KYNU: variants seen among roughly 807,000 people sequenced by gnomAD.
KYNU encodes L-kynurenine hydrolase.
KYNU carries 54 observed loss-of-function variants against 59.2 expected under a neutral mutation model. That is an observed-to-expected ratio of 0.91 (90% CI 0.73 to 1.14). The LOEUF (loss-of-function observed/expected upper bound fraction) is 1.14. KYNU is among the 50% of genes most tolerant of loss of function. KYNU has a pLI of 0.00. For missense variants in KYNU, 567 were observed against 554.4 expected, an observed-to-expected ratio of 1.02 and a Z score of -0.23; for synonymous variants, 177 against 192.0, an observed-to-expected ratio of 0.92 and a Z score of 0.65.
intron 8 of KYNU, among the ~76,000 whole-genome samples, chr2:142,983,622 A>G (rs377519843): frequency 6.6e-6 from 1 of 152,092 alleles, no homozygotes; most frequent in African/African-American, 2.4e-5. Flanking sequence ...GCAGTTCAGA[A>G]ACTTTTTAGA....
At chr2:142,912,237 T>A (rs1410108927) in intron 2 of KYNU, among the ~76,000 whole-genome samples, 1 of 152,146 alleles carries the variant, frequency 6.6e-6, no homozygotes, top group Non-Finnish European at 1.5e-5. Context: ...TCTATTGGAA[T>A]GTTCAGGGTC....
chr2:142,916,754 C>A (rs1682680494), intron 2 of KYNU, among the ~76,000 whole-genome samples: 1 of 152,110 alleles, frequency 6.6e-6, no homozygotes, highest in African/African-American at 2.4e-5. Context: ...GAATAAGAAG[C>A]AAAGGCACTA....
At chr2:142,898,381 C>A (rs1441959525) in intron 2 of KYNU, among the ~76,000 whole-genome samples, 1 of 151,796 alleles carries the variant, frequency 6.6e-6, no homozygotes, top group Admixed American at 6.6e-5. Flanking sequence ...AGATCATAGA[C>A]CACAACTTTG....
At chr2:142,926,332 T>C (rs948295621) in intron 3 of KYNU, among the ~76,000 whole-genome samples, 3 of 152,206 alleles carry the variant, frequency 2.0e-5, no homozygotes, top group African/African-American at 7.2e-5. Flanking sequence ...TCTTTTTAAT[T>C]GTGAAATCAT....
chr2:142,920,671 G>T (rs910115033), intron 3 of KYNU, among the ~76,000 whole-genome samples: 1 of 152,184 alleles, frequency 6.6e-6, no homozygotes, highest in Non-Finnish European at 1.5e-5. Context: ...TTAGACAGAT[G>T]ATTCAGAAAG....
intron 2 of KYNU, among the ~76,000 whole-genome samples, chr2:142,886,319 T>C (rs909965224): frequency 6.6e-6 from 1 of 152,230 alleles, no homozygotes; most frequent in Non-Finnish European, 1.5e-5. Context: ...GGTCCAGTAC[T>C]CAGGAGCCAT....
At chr2:142,930,280 A>T (rs914682255) in intron 4 of KYNU, among the ~76,000 whole-genome samples, 2 of 152,214 alleles carry the variant, frequency 1.3e-5, no homozygotes, top group African/African-American at 2.4e-5. Context: ...ATGAATTTTT[A>T]AAAAAGAAGA....
rs186418291 is a variant in KYNU at position 142,984,975 on chromosome 2, A to T, written c.730-109A>T. On this transcript the variant is annotated intron_variant, in intron 8 of 13. Transcript: ENST00000264170. ...TGTGAACCATTGCATCAAAGAGCAAACCATAATTTATGGTACAGAAGTTTG... is the reference window on the plus strand; with the variant it reads ...TGTGAACCATTGCATCAAAGAGCAATCCATAATTTATGGTACAGAAGTTTG... The T allele has an allele frequency of 6.5e-6, 5 of 763,538 alleles. No homozygotes were observed. In the East Asian group the frequency reaches 8.0e-5, roughly 12 times the overall value. 47.3% of individuals were successfully genotyped at this position (763,538 alleles called of 1,614,324 possible). A position where few individuals can be genotyped will look rare whatever the true frequency, so the allele number is the denominator to read the frequency against.
intron 8 of KYNU, among the ~76,000 whole-genome samples, chr2:142,980,088 G>A (rs747142797): frequency 6.6e-6 from 1 of 151,986 alleles, no homozygotes; most frequent in Non-Finnish European, 1.5e-5. Context: ...CCAGAACCGA[G>A]GGTTCCTCCC....
intron 3 of KYNU, among the ~76,000 whole-genome samples, chr2:142,921,586 C>A (rs897121336): frequency 6.6e-6 from 1 of 151,992 alleles, no homozygotes; most frequent in African/African-American, 2.4e-5. Flanking sequence ...GGCAAGCGGA[C>A]CACAAAAGCC....
chr2:143,033,189 C>A (rs1686806744), intron 11 of KYNU, 47 bp from the exon 12 acceptor site: 1 of 1,325,530 alleles, frequency 7.5e-7, no homozygotes, highest in East Asian at 2.3e-5. Context: ...TTTATGGACA[C>A]TTTTAAAGTT....
At chr2:142,891,411 T>A (rs939899691) in intron 2 of KYNU, among the ~76,000 whole-genome samples, 5 of 152,206 alleles carry the variant, frequency 3.3e-5, no homozygotes, top group African/African-American at 1.2e-4. Context: ...CTGCTTTCAA[T>A]ATTCTTTTCA....
chr2:142,927,821 C>A, intron 4 of KYNU, 80 bp downstream of exon 4: 4 of 963,786 alleles, frequency 4.2e-6, no homozygotes, highest in South Asian at 1.3e-5. Flanking sequence ...CTCATAAAGT[C>A]AAAATCTTAT....
Position 143,054,883 on chromosome 2 carries a change from G to T in KYNU, c.*12711G>T, listed in dbSNP as rs763904928. 29 of 152,132 alleles carry T rather than the reference G, an allele frequency of 1.9e-4. No homozygotes were observed. The highest frequency in any genetic ancestry group is 3.7e-4 in the Non-Finnish European group (25 of 68,016). 9.4% of individuals were successfully genotyped at this position (152,132 alleles called of 1,614,324 possible). ...AAATGCAATGTGTGGACTTGGTTGG[G>T]ATCTTCATTCAAAGACCAACTATAA... On this transcript the variant is annotated 3_prime_UTR_variant, in exon 14 of 14. Transcript: ENST00000264170.
chr2:143,015,607 T>G (rs959796048), intron 10 of KYNU, among the ~76,000 whole-genome samples: 1 of 152,154 alleles, frequency 6.6e-6, no homozygotes, highest in Non-Finnish European at 1.5e-5. Context: ...TGTTTATGTT[T>G]ATGTGAATGA....
intron 10 of KYNU, among the ~76,000 whole-genome samples, chr2:143,006,377 A>G (rs192864282): frequency 0.052 from 7,918 of 151,850 alleles, 551 homozygotes; most frequent in African/African-American, 0.16. Context: ...CCACGAGATT[A>G]TATCCCACAC....
chr2:142,913,722 GTTGAA>G (rs1342331331), intron 2 of KYNU, among the ~76,000 whole-genome samples: 6 of 152,188 alleles, frequency 3.9e-5, no homozygotes, highest in Admixed American at 6.5e-5. Context: ...TTGGCTAAGT[GTTGAA>G]TTGAAGTCTA....
At chr2:142,992,390 C>CA (rs1685421302) in intron 10 of KYNU, among the ~76,000 whole-genome samples, 1 of 151,412 alleles carries the variant, frequency 6.6e-6, no homozygotes, top group African/African-American at 2.4e-5. Flanking sequence ...AGAAATATAC[C>CA]AAAAAATCAA....
rs956920232 is a variant in KYNU at position 143,046,552 on chromosome 2, A to G, written c.*4380A>G. ...TCTATTTCATAAGCCAGGTTTCTAT[A>G]TATCTATATAAATATAGATATGTAG... On this transcript the variant is annotated 3_prime_UTR_variant, in exon 14 of 14. Coordinates refer to ENST00000264170, the MANE Select transcript of KYNU (RefSeq NM_003937.3). 6.6e-6 allele frequency: 1 copy of G among 151,756 alleles called. No individual in the cohort carries two copies. Among genetic ancestry groups the G allele is most frequent in the African/African-American group, 2.4e-5 (1 of 41,378 alleles). The allele number at this position is 151,756 out of a possible 1,614,324, so 9.4% of individuals were successfully genotyped here. A position where few individuals can be genotyped will look rare whatever the true frequency, so the allele number is the denominator to read the frequency against.
Sources: allele counts gnomAD v4.1 joint callset (sites outside exome capture counted in the v4.1 genomes callset), GRCh38; gene constraint gnomAD v4.1.1; transcripts MANE v1.5; gene names NCBI Gene and HGNC (gene_info 2026-07-23, HGNC 2026-07-21).